Variants in TFPI observed in about 807,000 individuals in gnomAD.
TFPI encodes the protein anti-convertin.
Under a neutral mutation model 34.6 loss-of-function variants are expected in TFPI, and 15 were observed. That is an observed-to-expected ratio of 0.43 (90% CI 0.29 to 0.67). The LOEUF is 0.67. Ranked by LOEUF, TFPI falls within the 30% of genes least tolerant of loss-of-function variation. The pLI is 0.15. For synonymous variants in TFPI, 105 were observed against 120.1 expected, an observed-to-expected ratio of 0.87 and a Z score of 0.82; for missense variants, 301 against 364.0, an observed-to-expected ratio of 0.83 and a Z score of 1.41.
intron 1 of TFPI, among the ~76,000 whole-genome samples, chr2:187,535,665 A>G (rs569093078): frequency 1.6e-4 from 25 of 152,318 alleles, no homozygotes; most frequent in African/African-American, 5.8e-4. Flanking sequence ...AAACATTGCA[A>G]TTAAAAGAAC....
chr2:187,511,900 A>C (rs189666507), intron 1 of TFPI, among the ~76,000 whole-genome samples: 4 of 152,256 alleles, frequency 2.6e-5, no homozygotes, highest in African/African-American at 9.6e-5. Flanking sequence ...ACAGAAAGAC[A>C]AAGAGGGAGT....
At chr2:187,490,232 A>G (rs1685027205) in intron 3 of TFPI, among the ~76,000 whole-genome samples, 1 of 151,688 alleles carries the variant, frequency 6.6e-6, no homozygotes, top group Non-Finnish European at 1.5e-5. Flanking sequence ...AGAGTGTTAG[A>G]TAAATACCAA....
intron 1 of TFPI, among the ~76,000 whole-genome samples, chr2:187,511,601 G>A (rs1249841918): frequency 6.6e-6 from 1 of 152,172 alleles, no homozygotes; most frequent in Non-Finnish European, 1.5e-5. Flanking sequence ...AGAACTTTAT[G>A]TGAAATAGAC....
At chr2:187,472,806 G>GT (rs1240517613) in intron 6 of TFPI, among the ~76,000 whole-genome samples, 25 of 152,170 alleles carry the variant, frequency 1.6e-4, no homozygotes, top group African/African-American at 5.8e-4. Flanking sequence ...GAGGTCCAGA[G>GT]TTTGAGACCA....
At chr2:187,497,632 T>C (rs546573161) in intron 2 of TFPI, among the ~76,000 whole-genome samples, 15 of 152,032 alleles carry the variant, frequency 9.9e-5, no homozygotes, top group African/African-American at 1.4e-4. Context: ...TGGGTTTTAA[T>C]AATGTTGAAA....
chr2:187,527,765 A>G (rs1261180934), intron 1 of TFPI, among the ~76,000 whole-genome samples: 2 of 152,200 alleles, frequency 1.3e-5, no homozygotes, highest in Non-Finnish European at 2.9e-5. Flanking sequence ...ATAATGGTTT[A>G]CTATTTTCAC....
chr2:187,515,154 T>A (rs1686912717), intron 1 of TFPI: 1 of 152,176 alleles, frequency 6.6e-6, no homozygotes, highest in Admixed American at 6.5e-5. Flanking sequence ...GGCCCCCATG[T>A]TTGAGGGCTT....
At chr2:187,515,969 C>A (rs1686977810) in intron 1 of TFPI, 1 of 151,968 alleles carries the variant, frequency 6.6e-6, no homozygotes, top group South Asian at 2.1e-4. Flanking sequence ...TGATGAGTGG[C>A]CCCCTGAAAA....
At chr2:187,514,363 T>C (rs1686849410) in intron 1 of TFPI, 1 of 152,234 alleles carries the variant, frequency 6.6e-6, no homozygotes, top group African/African-American at 2.4e-5. Flanking sequence ...ATGGGCTGCA[T>C]GGTAGCTCTT....
At chr2:187,477,088 C>T (rs188723927) in intron 6 of TFPI, among the ~76,000 whole-genome samples, 88 of 152,120 alleles carry the variant, frequency 5.8e-4, no homozygotes, top group African/African-American at 1.9e-3. Flanking sequence ...ACTTTTATGA[C>T]TGGGGCAACA....
chr2:187,495,565 G>A (rs540768584), intron 3 of TFPI, among the ~76,000 whole-genome samples: 16 of 152,248 alleles, frequency 1.1e-4, no homozygotes, highest in African/African-American at 3.6e-4. Context: ...AAATATATTC[G>A]TGTCTATTCT....
Position 187,468,014 on chromosome 2 carries a change from ATGT to A in TFPI, c.629-85_629-83del, listed in dbSNP as rs1358089259. ...CGTATTGTATATTGTTTATAGATTA[ATGT>A]TGTTGCATGTGTATGTAAAACAGTA... On this transcript the variant is annotated intron_variant, in intron 6 of 7. Coordinates refer to ENST00000233156, the MANE Select transcript of TFPI (RefSeq NM_006287.6). 4 of 1,143,090 alleles carry A rather than the reference ATGT, an allele frequency of 3.5e-6. No individual in the cohort carries two copies. In the African/African-American group the frequency reaches 4.7e-5, roughly 14 times the overall value. The allele number at this position is 1,143,090 out of a possible 1,614,324, so 70.8% of individuals were successfully genotyped here. A position where few individuals can be genotyped will look rare whatever the true frequency, so the allele number is the denominator to read the frequency against.
At chr2:187,467,254 G>C (rs1384368026) in intron 7 of TFPI, among the ~76,000 whole-genome samples, 1 of 151,832 alleles carries the variant, frequency 6.6e-6, no homozygotes, top group Non-Finnish European at 1.5e-5. Flanking sequence ...TAAGCATGCC[G>C]TTCATTTTTA....
At chr2:187,545,873 T>A (rs897414071) in intron 1 of TFPI, among the ~76,000 whole-genome samples, 2 of 152,060 alleles carry the variant, frequency 1.3e-5, no homozygotes, top group African/African-American at 4.8e-5. Context: ...TAAAAATAAT[T>A]TTCTCCTACC....
Position 187,545,619 on chromosome 2 carries a change from T to A in TFPI, c.-3+8581A>T, listed in dbSNP as rs114856744. ...CACGCTATTCTCACAAATATTTTCC[T>A]TTTTGTCACCTAAAGTAAATTTCAG... is the stretch of plus-strand genomic sequence containing the variant. On this transcript the variant is annotated intron_variant, in intron 1 of 7. Coordinates refer to ENST00000233156, the MANE Select transcript of TFPI (RefSeq NM_006287.6). Among the ~76,000 whole-genome samples, 1,499 of 152,258 alleles carry A rather than the reference T, an allele frequency of 9.8e-3. 16 individuals are homozygous for A. Among genetic ancestry groups the A allele is most frequent in the African/African-American group, 0.03 (1,244 of 41,576 alleles).
chr2:187,506,233 C>G lies in TFPI; in HGVS notation c.-2-2463G>C, dbSNP rs73050510. Among the ~76,000 whole-genome samples the G allele has an allele frequency of 4.0e-3, 613 of 152,068 alleles. 6 individuals carry two copies. Among genetic ancestry groups the G allele is most frequent in the African/African-American group, 0.014 (598 of 41,500 alleles). ...AACACCATTTGCAGATCTCCTCCCC[C>G]CATAGTTCAGCAGAGAATTTGCTGT... On this transcript the variant is annotated intron_variant, in intron 1 of 7. Transcript: ENST00000233156.
At chr2:187,500,406 A>G (rs1177013194) in intron 2 of TFPI, among the ~76,000 whole-genome samples, 1 of 152,208 alleles carries the variant, frequency 6.6e-6, no homozygotes, top group Non-Finnish European at 1.5e-5. Context: ...TACAACAGCT[A>G]TCTCACACAT....
At chr2:187,471,673 C>G (rs946551606) in intron 6 of TFPI, among the ~76,000 whole-genome samples, 8 of 150,994 alleles carry the variant, frequency 5.3e-5, no homozygotes, top group Non-Finnish European at 1.5e-5. Context: ...TTTTTTAAAT[C>G]AGGAACTATC....
In TFPI at chr2:187,476,161, G is replaced by A. The variant is rs8176543; in HGVS notation, c.628+7963C>T. On this transcript the variant is annotated intron_variant, in intron 6 of 7. Transcript: ENST00000233156. The stretch of plus-strand genomic sequence containing the variant: ...ACCAAAGTTCCAGTCTTGCATCCAT[G>A]TGATCATATCTGCACTGGTCACTCA... 5.3e-3 allele frequency among the ~76,000 whole-genome samples: 810 copies of A among 152,200 alleles called. 9 individuals carry two copies. The highest frequency in any genetic ancestry group is 0.019 in the African/African-American group (780 of 41,530).
Sources: gnomAD v4.1 joint callset for allele counts (sites outside exome capture counted in the v4.1 genomes callset) on GRCh38, gnomAD v4.1.1 for gene constraint, MANE v1.5 for transcripts, NCBI Gene and HGNC (gene_info 2026-07-23, HGNC 2026-07-21) for gene names.